The following ST6GALNAC3 variants were observed in gnomAD, a reference collection of about 807,000 sequenced individuals.
ST6GALNAC3 encodes ST6 N-acetylgalactosaminide alpha-2,6-sialyltransferase 3.
In ST6GALNAC3, 25 loss-of-function variants were observed where a neutral mutation model predicts 32.7. The ratio of observed to expected loss-of-function variants is 0.76; its 90% CI spans 0.56 to 1.07. The LOEUF (loss-of-function observed/expected upper bound fraction) is 1.07. Among genes scored for constraint, ST6GALNAC3 ranks in the 50% least tolerant of loss-of-function variants. The probability of loss-of-function intolerance (pLI) is 0.00; values close to 1 mark genes in which losing one functional copy is unlikely to be tolerated. For synonymous variants in ST6GALNAC3, 129 were observed against 133.1 expected, an observed-to-expected ratio of 0.97 and a Z score of 0.21; for missense variants, 355 against 382.4, an observed-to-expected ratio of 0.93 and a Z score of 0.60.
chr1:76,157,475 C>A lies in ST6GALNAC3; in HGVS notation c.18+82591C>A, dbSNP rs115636887. Among the ~76,000 whole-genome samples the A allele has an allele frequency of 5.7e-3, 865 of 152,320 alleles. 5 individuals carry two copies. The highest frequency in any genetic ancestry group is 7.3e-3 in the Non-Finnish European group (499 of 68,030). ...GAAAATAGCCTCGTCAACTAGAGTA[C>A]AGTGCTTGTGTACGGTTTATTTTGC... On this transcript the variant is annotated intron_variant, in intron 1 of 4. Coordinates refer to ENST00000328299, the MANE Select transcript of ST6GALNAC3 (RefSeq NM_152996.4).
chr1:76,265,878 C>T (rs1046263167), intron 1 of ST6GALNAC3, among the ~76,000 whole-genome samples: 2 of 152,162 alleles, frequency 1.3e-5, no homozygotes, highest in African/African-American at 4.8e-5. Context: ...GATTCTTGTG[C>T]TCATTCCCGC....
At position 76,513,676 on chromosome 1, in the gene ST6GALNAC3, ATTTGGTAT is replaced by A. The variant is rs543366731; in HGVS notation, c.623+101278_623+101285del. Among the ~76,000 whole-genome samples the A allele has an allele frequency of 6.9e-3, 1,044 of 152,166 alleles. 11 individuals are homozygous for A. The highest frequency in any genetic ancestry group is 0.017 in the Middle Eastern group (5 of 294). ...TTTCTATTTCTTTATTTTGATAAGAATTTGGTATTTTGGTATTTTGGTATTTGGTGTTT... is the reference window on the plus strand; with the variant it reads ...TTTCTATTTCTTTATTTTGATAAGAATTTGGTATTTTGGTATTTGGTGTTT... On this transcript the variant is annotated intron_variant, in intron 3 of 4. Transcript: ENST00000328299.
At chr1:76,476,869 C>T (rs1008764341) in intron 3 of ST6GALNAC3, among the ~76,000 whole-genome samples, 6 of 152,194 alleles carry the variant, frequency 3.9e-5, no homozygotes, top group African/African-American at 1.4e-4. Context: ...ATGAGCAGGT[C>T]TTCTACAGAC....
rs115611482 is a variant in ST6GALNAC3, at chr1:76,177,901, C to G, written c.18+103017C>G. Among the ~76,000 whole-genome samples, 838 of 152,058 alleles carry G rather than the reference C, an allele frequency of 5.5e-3. 10 individuals carry two copies. The highest frequency in any genetic ancestry group is 0.019 in the African/African-American group (788 of 41,482). The stretch of plus-strand genomic sequence containing the variant: ...GGCCATTTTCTCACAGAATATGGAC[C>G]CTCCCTGAAAAAGAGGGAGCAGAAA... On this transcript the variant is annotated intron_variant, in intron 1 of 4. Transcript: ENST00000328299.
rs80301942 is a variant in ST6GALNAC3, at chr1:76,127,948, A to T, written c.18+53064A>T. 5.9e-3 allele frequency among the ~76,000 whole-genome samples: 892 copies of T among 151,906 alleles called. 5 individuals carry two copies. The highest frequency in any genetic ancestry group is 0.02 in the African/African-American group (846 of 41,406). ...AGCTTCATCTTCTGCTATTCTCCCT[A>T]TGTTCTTTTTCCTTCCTCTGCTTGA... On this transcript the variant is annotated intron_variant, in intron 1 of 4. Transcript: ENST00000328299.
At chr1:76,266,882 A>G (rs1371832950) in intron 1 of ST6GALNAC3, among the ~76,000 whole-genome samples, 1 of 152,216 alleles carries the variant, frequency 6.6e-6, no homozygotes, top group African/African-American at 2.4e-5. Context: ...GCTGTTCTGT[A>G]GGACCAGCCC....
intron 1 of ST6GALNAC3, among the ~76,000 whole-genome samples, chr1:76,155,831 T>A (rs754456306): frequency 2.0e-5 from 3 of 152,168 alleles, no homozygotes; most frequent in Non-Finnish European, 2.9e-5. Context: ...CATATTAGCA[T>A]AACACATTTG....
At chr1:76,288,657 G>T (rs888398845) in intron 1 of ST6GALNAC3, among the ~76,000 whole-genome samples, 2 of 152,150 alleles carry the variant, frequency 1.3e-5, no homozygotes, top group African/African-American at 4.8e-5. Context: ...AAGAGGGCAG[G>T]ATGTGTGCTT....
intron 1 of ST6GALNAC3, among the ~76,000 whole-genome samples, chr1:76,161,699 G>A (rs1348281542): frequency 6.6e-6 from 1 of 152,160 alleles, no homozygotes; most frequent in Non-Finnish European, 1.5e-5. Flanking sequence ...TTTACTGAGG[G>A]CTGTTCTGTA....
chr1:76,563,454 C>G (rs1057002960), intron 3 of ST6GALNAC3, among the ~76,000 whole-genome samples: 5 of 152,182 alleles, frequency 3.3e-5, no homozygotes, highest in Admixed American at 2.6e-4. Flanking sequence ...AAATATTGCT[C>G]TTTTCACCCA....
intron 3 of ST6GALNAC3, among the ~76,000 whole-genome samples, chr1:76,432,446 T>G (rs1655828017): frequency 1.9e-5 from 1 of 52,656 alleles, no homozygotes; most frequent in Admixed American, 2.6e-4. Flanking sequence ...TTATTGCCTT[T>G]TTTTTTTTTT....
intron 3 of ST6GALNAC3, among the ~76,000 whole-genome samples, chr1:76,452,570 T>C (rs1657488533): frequency 1.3e-5 from 2 of 152,200 alleles, no homozygotes. Flanking sequence ...GTTTTTGTGG[T>C]GTATTACATT....
At chr1:76,592,284 T>G (rs1647060151) in intron 3 of ST6GALNAC3, among the ~76,000 whole-genome samples, 1 of 152,068 alleles carries the variant, frequency 6.6e-6, no homozygotes, top group Non-Finnish European at 1.5e-5. Flanking sequence ...ATGGAAAGAA[T>G]GCATTTCAGA....
chr1:76,542,934 G>C (rs181344585), intron 3 of ST6GALNAC3, among the ~76,000 whole-genome samples: 2 of 152,078 alleles, frequency 1.3e-5, no homozygotes, highest in Non-Finnish European at 2.9e-5. Context: ...TGCCCTCTGT[G>C]GGGTTGTTTC....
rs571560163 is a variant in ST6GALNAC3, at chr1:76,211,902, T to C, written c.19-101903T>C. 2.9e-3 allele frequency among the ~76,000 whole-genome samples: 436 copies of C among 152,110 alleles called. 2 individuals carry two copies. The highest frequency in any genetic ancestry group is 0.024 in the Middle Eastern group (7 of 294). On this transcript the variant is annotated intron_variant, in intron 1 of 4. Transcript: ENST00000328299. ...TATACATATGTAACAAACCTGCACATTGTGCACATGTACCCTAAAACTTAA... is the reference window on the plus strand; with the variant it reads ...TATACATATGTAACAAACCTGCACACTGTGCACATGTACCCTAAAACTTAA...
At chr1:76,347,412 T>C (rs1056218097) in intron 2 of ST6GALNAC3, among the ~76,000 whole-genome samples, 8 of 152,092 alleles carry the variant, frequency 5.3e-5, no homozygotes, top group Non-Finnish European at 1.2e-4. Flanking sequence ...TCTCCTTGAA[T>C]CCACTTTATT....
At chr1:76,621,432 T>A (rs1466201255) in intron 3 of ST6GALNAC3, among the ~76,000 whole-genome samples, 2 of 152,064 alleles carry the variant, frequency 1.3e-5, no homozygotes, top group Non-Finnish European at 2.9e-5. Flanking sequence ...AAGACAAGAC[T>A]GAGAATTCCA....
chr1:76,533,114 G>A (rs534987045), intron 3 of ST6GALNAC3, among the ~76,000 whole-genome samples: 8 of 152,234 alleles, frequency 5.3e-5, no homozygotes, highest in Non-Finnish European at 1.2e-4. Context: ...ACTTATGCAA[G>A]TCATTATTTA....
chr1:76,360,420 T>C (rs1318221733), intron 2 of ST6GALNAC3, among the ~76,000 whole-genome samples: 1 of 152,208 alleles, frequency 6.6e-6, no homozygotes, highest in East Asian at 1.9e-4. Flanking sequence ...TTGTTAATTT[T>C]GTCAGCATAT....
Sources: allele counts gnomAD v4.1 joint callset (sites outside exome capture counted in the v4.1 genomes callset), GRCh38; gene constraint gnomAD v4.1.1; transcripts MANE v1.5; gene names NCBI Gene and HGNC (gene_info 2026-07-23, HGNC 2026-07-21).